Variants in GPX7 observed in about 807,000 individuals in gnomAD.
The protein encoded by GPX7 is protein peroxidase GPX7.
GPX7 carries 21 observed loss-of-function variants against 23.7 expected under a neutral mutation model. The ratio of observed to expected loss-of-function variants is 0.89; its 90% CI spans 0.63 to 1.28. The LOEUF (loss-of-function observed/expected upper bound fraction) is 1.28. Among genes scored for constraint, GPX7 ranks in the 50% most tolerant of loss-of-function variants. The pLI, the probability that GPX7 is intolerant of heterozygous loss-of-function variation, is 0.00. For missense variants in GPX7, 238 were observed against 237.3 expected (o/e 1.00, Z -0.02); for synonymous variants, 112 against 101.8 (o/e 1.10, Z -0.61).
At chr1:52,604,366 A>G (rs1284112524) in intron 1 of GPX7, among the ~76,000 whole-genome samples, 2 of 152,202 alleles carry the variant, frequency 1.3e-5, no homozygotes, top group Non-Finnish European at 2.9e-5. Flanking sequence ...TTCACCTGCA[A>G]ACATTTACTG....
Position 52,606,917 on chromosome 1 carries a change from T to C in GPX7, c.372T>C (p.Gly124=). 1 of 1,614,212 alleles carries C rather than the reference T, an allele frequency of 6.2e-7. No homozygotes were observed. Among genetic ancestry groups the C allele is most frequent in the East Asian group, 2.2e-5 (1 of 44,884 alleles). Residue 124 remains glycine (G), a synonymous_variant, in exon 2 of 3, where the codon GGT becomes GGC. Coordinates refer to ENST00000361314, the MANE Select transcript of GPX7 (RefSeq NM_015696.5). ...MFSKIAVTGT[G]AHPAFKYLAQ... ...GCAAGATTGCAGTCACCGGTACTGG[T>C]GCCCATCCTGCCTTCAAGTACCTGG...
chr1:52,603,370 G>A (rs918764240), intron 1 of GPX7, among the ~76,000 whole-genome samples: 1 of 143,718 alleles, frequency 7.0e-6, no homozygotes, highest in Non-Finnish European at 1.5e-5. Flanking sequence ...GGGGCGCGGG[G>A]CCAGGAGTTC....
rs1342060653 is a variant in GPX7, at chr1:52,608,721, C to G, written c.*296C>G. Reference sequence around the variant, plus strand: ...ATAGAAGTATATCAAGCAATAATCTCCCACCCAAGGCTTCTGTAAACTGGG... The same window carrying G: ...ATAGAAGTATATCAAGCAATAATCTGCCACCCAAGGCTTCTGTAAACTGGG... On this transcript the variant is annotated 3_prime_UTR_variant, in exon 3 of 3. Coordinates refer to ENST00000361314, the MANE Select transcript of GPX7 (RefSeq NM_015696.5). 1.0e-5 allele frequency: 2 copies of G among 194,016 alleles called. No homozygotes were observed. Among genetic ancestry groups the G allele is most frequent in the South Asian group, 2.7e-4 (2 of 7,476 alleles). 12.0% of individuals were successfully genotyped at this position (194,016 alleles called of 1,614,324 possible).
In GPX7 at chr1:52,602,539, C is replaced by T; in HGVS notation, c.130C>T (p.Arg44Cys). ...RGKLVSLEKY[R>C]GSVSLVVNVA... is the part of the protein sequence containing the mutation. ...CAAACTGGTGTCGCTGGAGAAGTAC[C>T]GCGGATCGGTGAGTGCGCGGGGTCT... The change falls in exon 1 of 3, where the codon CGC (arginine) becomes TGC (cysteine). Residue 44 changes from arginine (R) to cysteine (C), a missense_variant. Physicochemically the swap from Arg to Cys is radical, Grantham distance 180. Coordinates refer to ENST00000361314, the MANE Select transcript of GPX7 (RefSeq NM_015696.5). 1 of 1,558,740 alleles carries T rather than the reference C, an allele frequency of 6.4e-7. No individual in the cohort carries two copies. The highest frequency in any genetic ancestry group is 1.9e-5 in the Admixed American group (1 of 52,298).
At chr1:52,607,885 T>C (rs72637995) in intron 2 of GPX7, among the ~76,000 whole-genome samples, 1 of 37,370 alleles carries the variant, frequency 2.7e-5, no homozygotes, top group Non-Finnish European at 7.1e-5. Flanking sequence ...AGCACTCCCC[T>C]GACCCCCAGT....
rs917343915 is a variant in GPX7, at chr1:52,608,807, T to G, written c.*382T>G. 6.4e-6 allele frequency: 1 copy of G among 156,096 alleles called. No individual in the cohort carries two copies. The highest frequency in any genetic ancestry group is 1.4e-5 in the Non-Finnish European group (1 of 70,512). 9.7% of individuals were successfully genotyped at this position (156,096 alleles called of 1,614,324 possible). A position where few individuals can be genotyped will look rare whatever the true frequency, so the allele number is the denominator to read the frequency against. On this transcript the variant is annotated 3_prime_UTR_variant, in exon 3 of 3. Coordinates refer to ENST00000361314, the MANE Select transcript of GPX7 (RefSeq NM_015696.5). ...AGGATGAAATACCTGTGAAAGTGCCTAGGCAGTGCCAGCCAAATAGGAGGC... is the reference window on the plus strand; with the variant it reads ...AGGATGAAATACCTGTGAAAGTGCCGAGGCAGTGCCAGCCAAATAGGAGGC...
chr1:52,604,163 T>C (rs868297210), intron 1 of GPX7, among the ~76,000 whole-genome samples: 1 of 152,146 alleles, frequency 6.6e-6, no homozygotes, highest in Admixed American at 6.5e-5. Context: ...TAGTAAGTGC[T>C]AAGACAAAAA....
rs1256707743 is a variant in GPX7, at chr1:52,608,937, T to C, written c.*512T>C. The C allele has an allele frequency of 6.5e-6, 1 of 152,748 alleles. No homozygotes were observed. Among genetic ancestry groups the C allele is most frequent in the Non-Finnish European group, 1.5e-5 (1 of 68,120 alleles). The allele number at this position is 152,748 out of a possible 1,614,324, so 9.5% of individuals were successfully genotyped here. ...CCGATGATAATCCAGGCCAAAGGTT[T>C]AGTTGTTGTTATTTCCTCTGTATTA... On this transcript the variant is annotated 3_prime_UTR_variant, in exon 3 of 3. Transcript: ENST00000361314.
At chr1:52,602,718 G>T (rs1404563179) in intron 1 of GPX7, among the ~76,000 whole-genome samples, 171 bp downstream of exon 1, 1 of 150,908 alleles carries the variant, frequency 6.6e-6, no homozygotes, top group African/African-American at 2.4e-5. Flanking sequence ...CTGGCGCGGC[G>T]CCCCCATCCC....
rs1419849500 is a variant in GPX7, at chr1:52,606,793, C to G, written c.248C>G (p.Ala83Gly). The change falls in exon 2 of 3, where the codon GCC becomes GGC. Residue 83 changes from alanine to glycine, a missense_variant. Ala to Gly is a moderately conservative substitution (Grantham distance 60). Transcript: ENST00000361314. ...GGCCCCCACCACTTTAACGTGCTCG[C>G]CTTCCCCTGCAACCAGTTTGGCCAA... ...DLGPHHFNVL[A>G]FPCNQFGQQE... The G allele has an allele frequency of 1.9e-6, 3 of 1,614,184 alleles. No individual in the cohort carries two copies. Among genetic ancestry groups the G allele is most frequent in the Non-Finnish European group, 2.5e-6 (3 of 1,180,020 alleles).
In GPX7 at chr1:52,606,710, C is replaced by T. The variant is rs764261634; in HGVS notation, c.165C>T (p.Ser55=). The change falls in exon 2 of 3, where the codon AGC becomes AGT. Residue 55 remains serine, a synonymous_variant. Transcript: ENST00000361314. ...GSVSLVVNVA[S]ECGFTDQHYR... The stretch of plus-strand genomic sequence containing the variant: ...TGTCCCTGGTGGTGAATGTGGCCAG[C>T]GAGTGCGGCTTCACAGACCAGCACT... 27 of 1,613,826 alleles carry T rather than the reference C, an allele frequency of 1.7e-5. No individual in the cohort carries two copies. The highest frequency in any genetic ancestry group is 2.2e-5 in the Non-Finnish European group (26 of 1,179,984).
Position 52,608,318 on chromosome 1 carries a change from G to T in GPX7, c.457G>T (p.Gly153Ter), listed in dbSNP as rs1448084432. ...NFWKYLVAPD[G>*]KVVGAWDPTV... Reference sequence around the variant, plus strand: ...CTGGAAGTACCTAGTAGCCCCAGATGGAAAGGTGGTAGGGGCTTGGGACCC... The same window carrying T: ...CTGGAAGTACCTAGTAGCCCCAGATTGAAAGGTGGTAGGGGCTTGGGACCC... Residue 153 changes from glycine to a stop codon, truncating the protein, a stop_gained, in exon 3 of 3, where the codon GGA becomes TGA. Coordinates refer to ENST00000361314, the MANE Select transcript of GPX7 (RefSeq NM_015696.5). LOFTEE classifies it high-confidence loss of function. 1.9e-6 allele frequency: 3 copies of T among 1,613,982 alleles called. No individual in the cohort carries two copies. In the Admixed American group the frequency reaches 5.0e-5, roughly 27 times the overall value.
At chr1:52,602,663 G>A (rs976577863) in intron 1 of GPX7, 116 bp downstream of exon 1, 4 of 386,000 alleles carry the variant, frequency 1.0e-5, no homozygotes, top group Admixed American at 1.1e-4. Flanking sequence ...CGCTCCAGCC[G>A]CGCGGCCGCC....
rs1463588089 is a variant in GPX7, at chr1:52,602,558, G to A, written c.138+11G>A. 2.0e-6 allele frequency: 3 copies of A among 1,537,004 alleles called. No homozygotes were observed. The highest frequency in any genetic ancestry group is 2.1e-5 in the Admixed American group (1 of 48,364). ...AAGTACCGCGGATCGGTGAGTGCGC[G>A]GGGTCTGGCGGCGCCGCTGGGCCCG... is the stretch of plus-strand genomic sequence containing the variant. On this transcript the variant is annotated intron_variant, in intron 1 of 2. Coordinates refer to ENST00000361314, the MANE Select transcript of GPX7 (RefSeq NM_015696.5).
Position 52,606,760 on chromosome 1 carries a change from G to C in GPX7, c.215G>C (p.Arg72Pro), listed in dbSNP as rs116820347. Reference protein sequence around the residue: ...QHYRALQQLQRDLGPHHFNVL... With the variant: ...QHYRALQQLQPDLGPHHFNVL... ...TACCGAGCCCTGCAGCAGCTGCAGC[G>C]AGACCTGGGCCCCCACCACTTTAAC... Residue 72 changes from arginine (R) to proline (P), a missense_variant, in exon 2 of 3, where the codon CGA becomes CCA. Transcript: ENST00000361314. 8.1e-6 allele frequency: 13 copies of C among 1,614,182 alleles called. No individual in the cohort carries two copies. The African/African-American group carries it at 9.3e-5, about 12-fold the overall frequency.
At chr1:52,607,231 A>T in intron 2 of GPX7, 1 of 476,186 alleles carries the variant, frequency 2.1e-6, no homozygotes, top group Non-Finnish European at 3.8e-6. Flanking sequence ...TTTCACATTC[A>T]GGGGCTCCTA....
At position 52,606,853 on chromosome 1, in the gene GPX7, T is replaced by G; in HGVS notation, c.308T>G (p.Phe103Cys). ...EPDSNKEIES[F>C]ARRTYSVSFP... ...GACAGCAACAAGGAGATTGAGAGCT[T>G]TGCCCGCCGCACCTACAGTGTCTCA... is the stretch of plus-strand genomic sequence containing the variant. The change falls in exon 2 of 3, where the codon TTT becomes TGT. Residue 103 changes from phenylalanine to cysteine, a missense_variant. Coordinates refer to ENST00000361314, the MANE Select transcript of GPX7 (RefSeq NM_015696.5). 1 of 1,614,196 alleles carries G rather than the reference T, an allele frequency of 6.2e-7. No individual in the cohort carries two copies. The highest frequency in any genetic ancestry group is 8.5e-7 in the Non-Finnish European group (1 of 1,180,034).
intron 1 of GPX7, among the ~76,000 whole-genome samples, chr1:52,605,934 T>G (rs1690848400): frequency 1.3e-5 from 2 of 152,164 alleles, no homozygotes; most frequent in African/African-American, 4.8e-5. Flanking sequence ...TGGGGGGATG[T>G]CCTGTTATGA....
Position 52,608,348 on chromosome 1 carries a change from G to A in GPX7, c.487G>A (p.Val163Met), listed in dbSNP as rs1690876737. ...GKVVGAWDPTVSVEEVRPQIT... is the reference protein window; with the variant it reads ...GKVVGAWDPTMSVEEVRPQIT... ...GGTGGTAGGGGCTTGGGACCCAACT[G>A]TGTCAGTGGAGGAGGTCAGACCCCA... The change falls in exon 3 of 3, where the codon GTG (valine) becomes ATG (methionine). Residue 163 changes from valine (V) to methionine (M), a missense_variant. Physicochemically the swap from Val to Met is conservative, Grantham distance 21. Transcript: ENST00000361314. 1.2e-6 allele frequency: 2 copies of A among 1,614,004 alleles called. No homozygotes were observed. The highest frequency in any genetic ancestry group is 1.3e-5 in the African/African-American group (1 of 74,900).
Sources: allele counts gnomAD v4.1 joint callset (sites outside exome capture counted in the v4.1 genomes callset), GRCh38; gene constraint gnomAD v4.1.1; transcripts MANE v1.5; gene names NCBI Gene and HGNC (gene_info 2026-07-23, HGNC 2026-07-21).